CSMD2: variants seen among roughly 807,000 people sequenced by gnomAD.
The protein encoded by CSMD2 is CUB and sushi domain-containing protein 2.
In CSMD2, 130 loss-of-function variants were observed where a neutral mutation model predicts 398.5. That is an observed-to-expected ratio of 0.33 (90% CI 0.28 to 0.38). The LOEUF (loss-of-function observed/expected upper bound fraction) is 0.38, where lower values mean the gene tolerates loss of function less well. Ranked by LOEUF, CSMD2 falls within the 10% of genes least tolerant of loss-of-function variation. The pLI is 1.00. For missense variants in CSMD2, 3,829 were observed against 4,764.9 expected (o/e 0.80, Z 5.78); for synonymous variants, 1,828 against 1,908.5 (o/e 0.96, Z 1.10).
intron 5 of CSMD2, among the ~76,000 whole-genome samples, chr1:33,877,739 A>G (rs1640939278): frequency 6.6e-6 from 1 of 152,128 alleles, no homozygotes; most frequent in African/African-American, 2.4e-5. Context: ...TGAAAAGAAT[A>G]CTTTTCCCTA....
chr1:33,924,709 T>G (rs906538412), intron 4 of CSMD2, among the ~76,000 whole-genome samples: 1 of 152,200 alleles, frequency 6.6e-6, no homozygotes, highest in Admixed American at 6.5e-5. Flanking sequence ...TCTGTTGTTT[T>G]TTGCTTTTTT....
chr1:33,997,198 A>C (rs1646753561), intron 3 of CSMD2, among the ~76,000 whole-genome samples: 1 of 152,204 alleles, frequency 6.6e-6, no homozygotes, highest in South Asian at 2.1e-4. Flanking sequence ...CTGCCTGGGC[A>C]GGCTGGGCCC....
chr1:34,115,977 A>G (rs1005601154), intron 1 of CSMD2, among the ~76,000 whole-genome samples: 1 of 152,066 alleles, frequency 6.6e-6, no homozygotes, highest in African/African-American at 2.4e-5. Context: ...ATAAGAAATC[A>G]AAGAATGTCA....
chr1:33,725,116 G>A (rs991253144), intron 17 of CSMD2, among the ~76,000 whole-genome samples: 3 of 152,186 alleles, frequency 2.0e-5, no homozygotes, highest in Non-Finnish European at 2.9e-5. Context: ...CTGCCAGGAG[G>A]TCTGCACGCA....
At chr1:33,874,184 G>A (rs1234792910) in intron 5 of CSMD2, among the ~76,000 whole-genome samples, 3 of 152,324 alleles carry the variant, frequency 2.0e-5, no homozygotes, top group South Asian at 2.1e-4. Flanking sequence ...AACACAATGC[G>A]TCACATGGAG....
At chr1:33,582,321 G>A (rs1162932723) in intron 47 of CSMD2, among the ~76,000 whole-genome samples, 1 of 152,220 alleles carries the variant, frequency 6.6e-6, no homozygotes, top group East Asian at 1.9e-4. Context: ...AGAGCATGAT[G>A]TTCCTAAGGG....
chr1:33,727,638 C>A (rs966042741), intron 15 of CSMD2, among the ~76,000 whole-genome samples: 3 of 152,150 alleles, frequency 2.0e-5, no homozygotes, highest in Non-Finnish European at 4.4e-5. Context: ...GTTTCCTTTT[C>A]CGGCCTCGGT....
intron 12 of CSMD2, among the ~76,000 whole-genome samples, chr1:33,774,134 TG>T (rs1490028537): frequency 1.3e-5 from 2 of 151,178 alleles, no homozygotes; most frequent in Non-Finnish European, 2.9e-5. Context: ...TGTGTGTGTG[TG>T]TGTGTGTGTG....
At chr1:33,827,290 C>T (rs931446606) in intron 6 of CSMD2, among the ~76,000 whole-genome samples, 5 of 152,190 alleles carry the variant, frequency 3.3e-5, no homozygotes, top group Non-Finnish European at 5.9e-5. Context: ...CCTGCAAGAC[C>T]AATCTGTTCT....
intron 10 of CSMD2, among the ~76,000 whole-genome samples, chr1:33,801,146 C>G (rs564323929): frequency 6.6e-6 from 1 of 152,136 alleles, no homozygotes; most frequent in African/African-American, 2.4e-5. Context: ...GTTCATATAA[C>G]GAGCTTTCCT....
intron 3 of CSMD2, among the ~76,000 whole-genome samples, chr1:33,967,497 C>CTCTATTGATT (rs1316313600): frequency 3.9e-5 from 6 of 152,172 alleles, no homozygotes; most frequent in Non-Finnish European, 8.8e-5. Context: ...ATAAAGGTAT[C>CTCTATTGATT]TCTATTGATT....
At chr1:33,887,557 T>A (rs1039181148) in intron 5 of CSMD2, among the ~76,000 whole-genome samples, 8 of 152,284 alleles carry the variant, frequency 5.3e-5, no homozygotes, top group African/African-American at 1.7e-4. Context: ...CCAGAGTTTT[T>A]AAAAAATAAC....
chr1:33,644,699 G>A (rs1055061771), intron 29 of CSMD2, among the ~76,000 whole-genome samples: 1 of 152,180 alleles, frequency 6.6e-6, no homozygotes, highest in African/African-American at 2.4e-5. Context: ...AAGAAATGGT[G>A]ATGATATGGC....
At chr1:33,844,287 T>TGG (rs397719711) in intron 6 of CSMD2, among the ~76,000 whole-genome samples, 147 of 151,706 alleles carry the variant, frequency 9.7e-4, no homozygotes, top group Middle Eastern at 3.4e-3. Context: ...TGTGTGTGTG[T>TGG]GGGGGGGCGC....
chr1:33,543,737 T>C (rs146455841), intron 57 of CSMD2, among the ~76,000 whole-genome samples: 1 of 152,370 alleles, frequency 6.6e-6, no homozygotes, highest in East Asian at 1.9e-4. Context: ...TAGAGTTCTT[T>C]AGGAAAGACA....
intron 26 of CSMD2, among the ~76,000 whole-genome samples, chr1:33,662,061 G>C (rs530496400): frequency 6.6e-6 from 1 of 152,310 alleles, no homozygotes; most frequent in East Asian, 1.9e-4. Context: ...AGGCACTTCA[G>C]AGGAGATGAG....
chr1:33,959,202 T>C (rs1030506545), intron 3 of CSMD2, among the ~76,000 whole-genome samples: 1 of 152,138 alleles, frequency 6.6e-6, no homozygotes, highest in African/African-American at 2.4e-5. Context: ...TGAGCCTAGA[T>C]AAAAAATGCC....
At chr1:33,914,412 T>TGTGTG (rs1558095510) in intron 5 of CSMD2, among the ~76,000 whole-genome samples, 1 of 103,150 alleles carries the variant, frequency 9.7e-6, no homozygotes, top group African/African-American at 3.1e-5. Flanking sequence ...GTGTGTGTGT[T>TGTGTG]TGTGTGTATG....
chr1:33,760,381 A>G (rs371706302), intron 13 of CSMD2, among the ~76,000 whole-genome samples: 104 of 152,332 alleles, frequency 6.8e-4, no homozygotes, highest in South Asian at 4.6e-3. Flanking sequence ...ACAAAGCACA[A>G]AAAAGGCCTC....
Sources: allele counts gnomAD v4.1 joint callset (sites outside exome capture counted in the v4.1 genomes callset), GRCh38; gene constraint gnomAD v4.1.1; transcripts MANE v1.5; gene names NCBI Gene and HGNC (gene_info 2026-07-23, HGNC 2026-07-21).